PTPRD: variants seen among roughly 807,000 people sequenced by gnomAD.
The protein encoded by PTPRD is receptor-type tyrosine-protein phosphatase delta.
In PTPRD, 34 loss-of-function variants were observed where a neutral mutation model predicts 214.5. That is an observed-to-expected ratio of 0.16 (90% CI 0.12 to 0.21). The LOEUF (loss-of-function observed/expected upper bound fraction) is 0.21, where lower values mean the gene tolerates loss of function less well. Ranked by LOEUF, PTPRD falls within the 10% of genes least tolerant of loss-of-function variation. The pLI is 1.00. For missense variants in PTPRD, 2,545 were observed against 2,398.7 expected (o/e 1.06, Z -1.27); for synonymous variants, 1,128 against 845.7 (o/e 1.33, Z -5.79).
chr9:10,125,186 T>C (rs952515279), intron 3 of PTPRD, among the ~76,000 whole-genome samples: 14 of 152,014 alleles, frequency 9.2e-5, no homozygotes, highest in African/African-American at 2.7e-4. Flanking sequence ...GGGAGCTCTG[T>C]GCAAGACAAT....
intron 2 of PTPRD, among the ~76,000 whole-genome samples, chr9:10,433,261 C>T (rs185527221): frequency 2.2e-4 from 34 of 151,968 alleles, no homozygotes; most frequent in Non-Finnish European, 4.3e-4. Flanking sequence ...GGCTCTTGTG[C>T]CATTTGCTGT....
At chr9:9,421,176 C>T (rs2078666759) in intron 8 of PTPRD, among the ~76,000 whole-genome samples, 1 of 151,746 alleles carries the variant, frequency 6.6e-6, no homozygotes, top group Non-Finnish European at 1.5e-5. Flanking sequence ...TAAACAATGG[C>T]CCTGCCTTTA....
chr9:10,612,799 G>A lies in PTPRD; in HGVS notation c.-819C>T, dbSNP rs2133865600. 1 of 152,364 alleles carries A rather than the reference G, an allele frequency of 6.6e-6. No individual in the cohort carries two copies. The highest frequency in any genetic ancestry group is 3.4e-3 in the Middle Eastern group (1 of 296). The allele number at this position is 152,364 out of a possible 1,614,324, so 9.4% of individuals were successfully genotyped here. On this transcript the variant is annotated 5_prime_UTR_variant, in exon 1 of 46. Transcript: ENST00000381196. The stretch of plus-strand genomic sequence containing the variant: ...ACTCGGGCTGGGAGGGGAGCGCAGG[G>A]TTGGGGAGGCCGATGAGCGGCTCCC...
At chr9:9,977,534 A>T (rs1240662939) in intron 4 of PTPRD, among the ~76,000 whole-genome samples, 1 of 152,164 alleles carries the variant, frequency 6.6e-6, no homozygotes, top group African/African-American at 2.4e-5. Context: ...ACTATGAAAC[A>T]AGGAGGTAAG....
intron 2 of PTPRD, among the ~76,000 whole-genome samples, chr9:10,398,384 T>G (rs2098212122): frequency 1.3e-5 from 2 of 150,890 alleles, no homozygotes; most frequent in African/African-American, 4.9e-5. Flanking sequence ...TATCTATATC[T>G]ATATCTACCT....
chr9:9,775,554 C>T (rs1476927230), intron 5 of PTPRD, among the ~76,000 whole-genome samples: 2 of 152,178 alleles, frequency 1.3e-5, no homozygotes, highest in African/African-American at 2.4e-5. Context: ...AAGATTCATG[C>T]AGCATTCAGA....
intron 10 of PTPRD, among the ~76,000 whole-genome samples, chr9:9,053,896 C>G (rs867456745): frequency 6.6e-6 from 1 of 151,928 alleles, no homozygotes; most frequent in Non-Finnish European, 1.5e-5. Flanking sequence ...GATAACTAGA[C>G]AATTTTCAAA....
chr9:9,466,720 G>A (rs1346011221), intron 8 of PTPRD, among the ~76,000 whole-genome samples: 1 of 152,022 alleles, frequency 6.6e-6, no homozygotes, highest in Non-Finnish European at 1.5e-5. Flanking sequence ...TTTTCTTAAA[G>A]CAAGTTTCCA....
intron 9 of PTPRD, among the ~76,000 whole-genome samples, chr9:9,332,328 C>A (rs899383272): frequency 6.6e-6 from 1 of 151,824 alleles, no homozygotes; most frequent in African/African-American, 2.4e-5. Context: ...ACTCACAATG[C>A]AGATAGCTTG....
At chr9:8,908,406 T>A (rs2098723129) in intron 11 of PTPRD, among the ~76,000 whole-genome samples, 1 of 152,156 alleles carries the variant, frequency 6.6e-6, no homozygotes. Context: ...TATGTTGTTT[T>A]ATTATAATTA....
At chr9:9,788,552 AAAAAAAAAAAAAAG>A (rs1451911387) in intron 5 of PTPRD, among the ~76,000 whole-genome samples, 1 of 8,830 alleles carries the variant, frequency 1.1e-4, no homozygotes, top group Non-Finnish European at 2.8e-4. Flanking sequence ...GCTCCGTCTC[AAAAAAAAAAAAAAG>A]AAAGAAAAAA....
intron 2 of PTPRD, among the ~76,000 whole-genome samples, chr9:10,347,685 C>T (rs1006218223): frequency 1.6e-4 from 24 of 151,980 alleles, no homozygotes; most frequent in Non-Finnish European, 2.8e-4. Flanking sequence ...GCTGAGATTA[C>T]AGGCGTGAGT....
intron 11 of PTPRD, among the ~76,000 whole-genome samples, chr9:8,959,006 C>G (rs1308038707): frequency 2.6e-5 from 4 of 152,042 alleles, no homozygotes; most frequent in Non-Finnish European, 4.4e-5. Context: ...ATCATGGCAA[C>G]TGAGACAGGT....
rs866649253 is a variant in PTPRD at position 10,024,737 on chromosome 9, G to A, written c.-472+8981C>T. 1.2e-4 allele frequency among the ~76,000 whole-genome samples: 18 copies of A among 148,634 alleles called. No homozygotes were observed. In the South Asian group the frequency reaches 1.7e-3, roughly 14 times the overall value. The stretch of plus-strand genomic sequence containing the variant: ...GTTGGTGTGCTGCACCCATTAACTC[G>A]TCATTTAGCATTAGGTATATCTCCT... On this transcript the variant is annotated intron_variant, in intron 4 of 45. Transcript: ENST00000381196.
chr9:10,357,314 T>C (rs1160870717), intron 2 of PTPRD, among the ~76,000 whole-genome samples: 1 of 152,212 alleles, frequency 6.6e-6, no homozygotes, highest in Non-Finnish European at 1.5e-5. Context: ...TTTTGAGCAC[T>C]CTTTACTAGA....
chr9:10,495,859 C>T lies in PTPRD; in HGVS notation c.-600+116539G>A, dbSNP rs372150632. Among the ~76,000 whole-genome samples the T allele has an allele frequency of 2.0e-5, 3 of 151,388 alleles. No homozygotes were observed. In the East Asian group the frequency reaches 5.8e-4, roughly 29 times the overall value. On this transcript the variant is annotated intron_variant, in intron 2 of 45. Coordinates refer to ENST00000381196, the MANE Select transcript of PTPRD (RefSeq NM_002839.4). ...AGAATCTGTAGTCTATTTTATTTAGCCAGTTAAATTTACTGATTGGGAGGA... is the reference window on the plus strand; with the variant it reads ...AGAATCTGTAGTCTATTTTATTTAGTCAGTTAAATTTACTGATTGGGAGGA...
intron 4 of PTPRD, among the ~76,000 whole-genome samples, chr9:10,011,484 A>G (rs1472306997): frequency 6.6e-6 from 1 of 151,986 alleles, no homozygotes; most frequent in Admixed American, 6.6e-5. Flanking sequence ...TAAGTATCTT[A>G]AATTAGTTTT....
chr9:8,414,804 A>G (rs1409729658), intron 35 of PTPRD, among the ~76,000 whole-genome samples: 2 of 148,522 alleles, frequency 1.3e-5, no homozygotes, highest in Non-Finnish European at 3.0e-5. Context: ...GGCAAGCTTC[A>G]TGACAGTGTC....
At chr9:8,411,407 A>T (rs1002919120) in intron 35 of PTPRD, among the ~76,000 whole-genome samples, 6 of 151,900 alleles carry the variant, frequency 3.9e-5, no homozygotes, top group Non-Finnish European at 8.8e-5. Context: ...GGGTTCAAGC[A>T]ATTCTCCTGC....
Sources: gnomAD v4.1 joint callset for allele counts (sites outside exome capture counted in the v4.1 genomes callset) on GRCh38, gnomAD v4.1.1 for gene constraint, MANE v1.5 for transcripts, NCBI Gene and HGNC (gene_info 2026-07-23, HGNC 2026-07-21) for gene names.